Variants in TMEM209 observed in about 807,000 individuals in gnomAD.
TMEM209 encodes transmembrane protein 209.
In TMEM209, 65 loss-of-function variants were observed where a neutral mutation model predicts 76.2. The ratio of observed to expected loss-of-function variants is 0.85; its 90% CI spans 0.70 to 1.05. TMEM209 has a LOEUF of 1.05. TMEM209 is among the 50% of genes least tolerant of loss of function. TMEM209 has a pLI of 0.00. For missense variants in TMEM209, 623 were observed against 685.5 expected (o/e 0.91, Z 1.02); for synonymous variants, 239 against 237.6 (o/e 1.01, Z -0.06).
intron 10 of TMEM209, among the ~76,000 whole-genome samples, chr7:130,176,764 T>G (rs1230222247): frequency 6.6e-6 from 1 of 152,222 alleles, no homozygotes; most frequent in Non-Finnish European, 1.5e-5. Context: ...ATTACAATAT[T>G]TGAATCCCAA....
intron 6 of TMEM209, among the ~76,000 whole-genome samples, chr7:130,188,206 AG>A (rs980718874): frequency 5.6e-4 from 86 of 152,374 alleles, no homozygotes; most frequent in African/African-American, 1.9e-3. Context: ...ATGAGTCCAC[AG>A]TGACTAAACC....
intron 5 of TMEM209, among the ~76,000 whole-genome samples, chr7:130,193,051 T>C (rs1396222885): frequency 6.6e-6 from 1 of 152,104 alleles, no homozygotes; most frequent in Non-Finnish European, 1.5e-5. Context: ...CAAAAGTAAA[T>C]ATTATCTTAC....
intron 1 of TMEM209, 127 bp downstream of exon 1, chr7:130,205,246 C>T (rs1200537483): frequency 3.7e-6 from 6 of 1,605,956 alleles, no homozygotes; most frequent in Non-Finnish European, 4.2e-6. Flanking sequence ...CTTCCCTTCC[C>T]CTAGAGAGGC....
rs1797198487 is a variant in TMEM209 at position 130,175,352 on chromosome 7, T to C, written c.1344+160A>G. 10 of 584,790 alleles carry C rather than the reference T, an allele frequency of 1.7e-5. No homozygotes were observed. In the East Asian group the frequency reaches 1.8e-4, roughly 11 times the overall value. The allele number at this position is 584,790 out of a possible 1,614,324, so 36.2% of individuals were successfully genotyped here. A position where few individuals can be genotyped will look rare whatever the true frequency, so the allele number is the denominator to read the frequency against. On this transcript the variant is annotated intron_variant, in intron 11 of 14. Transcript: ENST00000397622. Reference sequence around the variant, plus strand: ...GTGGTTCAGGCCTAGTCCCAGCTACTTGGGAGGCTGAGCTGGGAGGAGCAC... The same window carrying C: ...GTGGTTCAGGCCTAGTCCCAGCTACCTGGGAGGCTGAGCTGGGAGGAGCAC...
rs555096113 is a variant in TMEM209 at position 130,179,050 on chromosome 7, A to G, written c.1121-523T>C. 6.6e-5 allele frequency among the ~76,000 whole-genome samples: 10 copies of G among 152,254 alleles called. 1 individual carries two copies. The highest frequency in any genetic ancestry group is 5.8e-4 in the East Asian group (3 of 5,180). ...CAATCCACCAACGCTGGACTCCCCA[A>G]GTGTTGAGATCACAGGTGTTAGCCA... On this transcript the variant is annotated intron_variant, in intron 9 of 14. Coordinates refer to ENST00000397622, the MANE Select transcript of TMEM209 (RefSeq NM_032842.4).
Position 130,166,281 on chromosome 7 carries a change from T to C in TMEM209, c.*170A>G. On this transcript the variant is annotated 3_prime_UTR_variant, in exon 15 of 15. Coordinates refer to ENST00000397622, the MANE Select transcript of TMEM209 (RefSeq NM_032842.4). ...GTCTCGATATAGAAGATACGGGACA[T>C]ATTTTTACAATTACATTTCATAACA... 2.2e-6 allele frequency: 1 copy of C among 462,554 alleles called. No homozygotes were observed. Among genetic ancestry groups the C allele is most frequent in the Non-Finnish European group, 3.7e-6 (1 of 270,364 alleles). 28.7% of individuals were successfully genotyped at this position (462,554 alleles called of 1,614,324 possible).
intron 9 of TMEM209, among the ~76,000 whole-genome samples, chr7:130,181,017 CA>C (rs1419623756): frequency 6.6e-6 from 1 of 152,204 alleles, no homozygotes; most frequent in Non-Finnish European, 1.5e-5. Context: ...CGTGACTGTT[CA>C]CAGCAGCATT....
In TMEM209 at chr7:130,203,991, T is replaced by A; in HGVS notation, c.123A>T (p.Gly41=). The A allele has an allele frequency of 6.2e-7, 1 of 1,613,000 alleles. No individual in the cohort carries two copies. The highest frequency in any genetic ancestry group is 2.2e-5 in the East Asian group (1 of 44,860). The part of the protein sequence containing the change: ...AWGLLNVSMA[G]MIYTEMTGKL... ...TCACTTACATTTCAGTATATATCAT[T>A]CCAGCCATAGATACATTTAGGAGTC... The change falls in exon 2 of 15, where the codon GGA becomes GGT. Residue 41 remains glycine (G), a synonymous_variant. Coordinates refer to ENST00000397622, the MANE Select transcript of TMEM209 (RefSeq NM_032842.4).
intron 14 of TMEM209, among the ~76,000 whole-genome samples, chr7:130,169,945 T>C (rs1233155692): frequency 6.6e-6 from 1 of 152,196 alleles, no homozygotes; most frequent in Non-Finnish European, 1.5e-5. Context: ...TGAGCTTTGT[T>C]ACCAAGTATG....
At chr7:130,196,879 TATC>T (rs1341442982) in intron 5 of TMEM209, among the ~76,000 whole-genome samples, 3 of 152,220 alleles carry the variant, frequency 2.0e-5, no homozygotes, top group African/African-American at 4.8e-5. Context: ...TCGTTTGGTA[TATC>T]ATTATGCAAA....
At chr7:130,193,773 A>G (rs1377609608) in intron 5 of TMEM209, among the ~76,000 whole-genome samples, 5 of 151,292 alleles carry the variant, frequency 3.3e-5, no homozygotes, top group Middle Eastern at 3.4e-3. Context: ...GTATGATACT[A>G]TAATTGTGAA....
rs757266828 is a variant in TMEM209, at chr7:130,173,650, A to G, written c.1539T>C (p.His513=). Residue 513 remains histidine, a synonymous_variant, in exon 13 of 15, where the codon CAT becomes CAC. Coordinates refer to ENST00000397622, the MANE Select transcript of TMEM209 (RefSeq NM_032842.4). ...GAAATACCTTTGGCAGGTTGTATAC[A>G]TGACGCTGGTAGATGAGCTCATAAT... is the stretch of plus-strand genomic sequence containing the variant. ...PPHYELIYQR[H]VYNLPKGRNN... 4 of 1,613,114 alleles carry G rather than the reference A, an allele frequency of 2.5e-6. No homozygotes were observed. The highest frequency in any genetic ancestry group is 2.2e-5 in the South Asian group (2 of 91,016).
intron 9 of TMEM209, among the ~76,000 whole-genome samples, chr7:130,179,037 G>C (rs1053690783): frequency 6.6e-6 from 1 of 151,974 alleles, no homozygotes; most frequent in Non-Finnish European, 1.5e-5. Flanking sequence ...ATCCACCAAC[G>C]CTGGACTCCC....
intron 14 of TMEM209, among the ~76,000 whole-genome samples, chr7:130,167,075 A>G (rs1381256509): frequency 1.3e-5 from 2 of 152,106 alleles, no homozygotes; most frequent in African/African-American, 4.8e-5. Context: ...CTAACAAAAT[A>G]AAAAAATCAA....
chr7:130,204,264 A>G (rs1284730509), intron 1 of TMEM209, among the ~76,000 whole-genome samples, 154 bp from the exon 2 acceptor site: 2 of 152,248 alleles, frequency 1.3e-5, no homozygotes, highest in African/African-American at 4.8e-5. Flanking sequence ...TTTTAATATC[A>G]GTATATGAAA....
At chr7:130,205,120 C>A in intron 1 of TMEM209, 1 of 1,429,398 alleles carries the variant, frequency 7.0e-7, no homozygotes, top group Non-Finnish European at 9.1e-7. Context: ...AGTCGTATCC[C>A]ACAGAGGACA....
At chr7:130,204,259 A>G (rs1798339814) in intron 1 of TMEM209, 149 bp from the exon 2 acceptor site, 4 of 965,578 alleles carry the variant, frequency 4.1e-6, no homozygotes, top group Middle Eastern at 2.9e-4. Context: ...TTCCATTTTA[A>G]TATCAGTATA....
chr7:130,180,683 TAAG>T (rs1004657940), intron 9 of TMEM209, among the ~76,000 whole-genome samples: 7 of 152,196 alleles, frequency 4.6e-5, no homozygotes, highest in African/African-American at 1.7e-4. Flanking sequence ...AAGACATTTC[TAAG>T]AAGATATACA....
At chr7:130,195,710 TTA>T (rs1427906208) in intron 5 of TMEM209, among the ~76,000 whole-genome samples, 2 of 152,158 alleles carry the variant, frequency 1.3e-5, no homozygotes, top group Non-Finnish European at 2.9e-5. Flanking sequence ...CTATTTGTTT[TTA>T]TGTTTTTTCG....
Sources: gnomAD v4.1 joint callset for allele counts (sites outside exome capture counted in the v4.1 genomes callset) on GRCh38, gnomAD v4.1.1 for gene constraint, MANE v1.5 for transcripts, NCBI Gene and HGNC (gene_info 2026-07-23, HGNC 2026-07-21) for gene names.